The following SPAG16 variants were observed in gnomAD, a reference collection of about 807,000 sequenced individuals.
SPAG16 encodes the protein sperm associated antigen 16.
Under a neutral mutation model 80.4 loss-of-function variants are expected in SPAG16, and 86 were observed. That is an observed-to-expected ratio of 1.07 (90% CI 0.90 to 1.28). The LOEUF (loss-of-function observed/expected upper bound fraction) is 1.28, where lower values mean the gene tolerates loss of function less well. Among genes scored for constraint, SPAG16 ranks in the 50% most tolerant of loss-of-function variants. The pLI is 0.00. For missense variants in SPAG16, 870 were observed against 765.3 expected (o/e 1.14, Z -1.61); for synonymous variants, 294 against 265.9 (o/e 1.11, Z -1.03).
chr2:214,258,294 T>C (rs1016483357), intron 15 of SPAG16, among the ~76,000 whole-genome samples: 4 of 152,006 alleles, frequency 2.6e-5, no homozygotes, highest in African/African-American at 9.7e-5. Flanking sequence ...TGCCTTTGCA[T>C]CCTACTAGCT....
chr2:213,340,482 T>C (rs983684069), intron 6 of SPAG16, among the ~76,000 whole-genome samples: 5 of 152,114 alleles, frequency 3.3e-5, no homozygotes, highest in African/African-American at 1.2e-4. Flanking sequence ...ATACACTGCA[T>C]TGTTGCTATG....
intron 10 of SPAG16, among the ~76,000 whole-genome samples, chr2:213,550,016 G>A (rs1271685017): frequency 6.6e-6 from 1 of 151,826 alleles, no homozygotes; most frequent in Non-Finnish European, 1.5e-5. Flanking sequence ...TTTTATAGTT[G>A]TATTTGACAA....
chr2:213,505,385 C>G lies in SPAG16; in HGVS notation c.1070+15295C>G, dbSNP rs536921882. ...GTAAAATTCTACTATATTCTGGTAG[C>G]ATCACTCTGCAAGATTTACTCTACC... On this transcript the variant is annotated intron_variant, in intron 10 of 15. Coordinates refer to ENST00000331683, the MANE Select transcript of SPAG16 (RefSeq NM_024532.5). Among the ~76,000 whole-genome samples, 4 of 152,052 alleles carry G rather than the reference C, an allele frequency of 2.6e-5. No individual in the cohort carries two copies. The South Asian group carries it at 8.3e-4, about 32-fold the overall frequency.
At chr2:213,284,718 G>T (rs747753351) in intron 1 of SPAG16, 99 bp downstream of exon 1, 6 of 1,451,682 alleles carry the variant, frequency 4.1e-6, no homozygotes, top group Non-Finnish European at 5.5e-6. Context: ...TGAGCCTTGG[G>T]GCCACTCCGG....
At chr2:213,362,811 G>A (rs978931604) in intron 7 of SPAG16, among the ~76,000 whole-genome samples, 1 of 152,170 alleles carries the variant, frequency 6.6e-6, no homozygotes, top group Non-Finnish European at 1.5e-5. Flanking sequence ...AGGAAAAGAG[G>A]TTTATTTGGC....
chr2:213,487,214 C>G (rs2074020326), intron 9 of SPAG16, among the ~76,000 whole-genome samples: 1 of 151,934 alleles, frequency 6.6e-6, no homozygotes, highest in Non-Finnish European at 1.5e-5. Context: ...TGGGGTGTGA[C>G]TCAGTGATAC....
intron 15 of SPAG16, among the ~76,000 whole-genome samples, chr2:214,195,327 A>AGATAGATAGATAGATAGAT (rs371368487): frequency 1.3e-5 from 2 of 149,342 alleles, no homozygotes; most frequent in Admixed American, 1.3e-4. Flanking sequence ...ATAGATAGAT[A>AGATAGATAGATAGATAGAT]GATAGATATT....
intron 10 of SPAG16, among the ~76,000 whole-genome samples, chr2:213,658,846 G>A (rs1313571423): frequency 6.6e-6 from 1 of 152,174 alleles, no homozygotes; most frequent in Non-Finnish European, 1.5e-5. Context: ...GACCATCCTG[G>A]CCAACATGGT....
intron 9 of SPAG16, among the ~76,000 whole-genome samples, chr2:213,479,094 CTTTTTTT>C (rs148476714): frequency 2.1e-5 from 2 of 94,328 alleles, no homozygotes; most frequent in Non-Finnish European, 3.8e-5. Flanking sequence ...CACTGGCTTC[CTTTTTTT>C]TTTTTTTTTT....
intron 9 of SPAG16, among the ~76,000 whole-genome samples, chr2:213,434,069 C>T (rs1310266428): frequency 3.3e-5 from 5 of 151,842 alleles, no homozygotes; most frequent in African/African-American, 9.7e-5. Context: ...TACAGGCACC[C>T]GCCATGACCG....
intron 10 of SPAG16, among the ~76,000 whole-genome samples, chr2:213,764,550 C>A (rs2068832611): frequency 6.6e-6 from 1 of 151,956 alleles, no homozygotes; most frequent in Admixed American, 6.6e-5. Flanking sequence ...AATAGAGAAT[C>A]TAGAAAAGAA....
At position 213,884,130 on chromosome 2, in the gene SPAG16, TGTGGTA is replaced by T. The variant is rs2076462408; in HGVS notation, c.1214+21504_1214+21509del. 2.1e-4 allele frequency among the ~76,000 whole-genome samples: 6 copies of T among 28,818 alleles called. No homozygotes were observed. In the South Asian group the frequency reaches 0.043, roughly 206 times the overall value. 18.9% of individuals were successfully genotyped at this position (28,818 alleles called of 152,430 possible). A position where few individuals can be genotyped will look rare whatever the true frequency, so the allele number is the denominator to read the frequency against. Reference sequence around the variant, plus strand: ...TGGGCTATGTGCCTAAGTGTGTTTTTGTGGTAGCAGGTGTCATTCTTTTGATTCCAC... The same window carrying T: ...TGGGCTATGTGCCTAAGTGTGTTTTTGCAGGTGTCATTCTTTTGATTCCAC... On this transcript the variant is annotated intron_variant, in intron 11 of 15. Transcript: ENST00000331683.
chr2:213,764,375 G>GA lies in SPAG16; in HGVS notation c.1071-98100dup, dbSNP rs555452252. ...GGGTGACATTAGGAACATTCAGGGG[G>GA]AAAAAAAAAACCTGAGTAAATTAAA... On this transcript the variant is annotated intron_variant, in intron 10 of 15. Coordinates refer to ENST00000331683, the MANE Select transcript of SPAG16 (RefSeq NM_024532.5). 7.4e-4 allele frequency among the ~76,000 whole-genome samples: 107 copies of GA among 145,294 alleles called. 1 individual carries two copies. The highest frequency in any genetic ancestry group is 1.2e-3 in the East Asian group (6 of 5,022).
At chr2:213,559,592 A>G (rs527289633) in intron 10 of SPAG16, among the ~76,000 whole-genome samples, 1 of 152,290 alleles carries the variant, frequency 6.6e-6, no homozygotes, top group East Asian at 1.9e-4. Context: ...ATATACTTGT[A>G]AAATTATAGT....
At chr2:214,311,335 A>T (rs1695300208) in intron 15 of SPAG16, among the ~76,000 whole-genome samples, 1 of 152,126 alleles carries the variant, frequency 6.6e-6, no homozygotes, top group African/African-American at 2.4e-5. Context: ...TTAATGACCC[A>T]TAACAGATAC....
intron 13 of SPAG16, among the ~76,000 whole-genome samples, chr2:214,093,997 A>G (rs924772263): frequency 6.6e-6 from 1 of 152,056 alleles, no homozygotes; most frequent in African/African-American, 2.4e-5. Context: ...GTCTGTGCAC[A>G]AGGAACGACC....
intron 10 of SPAG16, among the ~76,000 whole-genome samples, chr2:213,508,464 G>T (rs1429563332): frequency 1.3e-5 from 2 of 152,208 alleles, no homozygotes; most frequent in East Asian, 1.9e-4. Flanking sequence ...CCCAGCTACT[G>T]GGGAGGCTGA....
At chr2:214,258,717 T>C (rs1037574842) in intron 15 of SPAG16, among the ~76,000 whole-genome samples, 9 of 151,840 alleles carry the variant, frequency 5.9e-5, no homozygotes, top group African/African-American at 2.2e-4. Context: ...TATGTTTCAA[T>C]CTTTTAAGTT....
chr2:214,257,916 A>G (rs1308028819), intron 15 of SPAG16, among the ~76,000 whole-genome samples: 1 of 152,092 alleles, frequency 6.6e-6, no homozygotes, highest in Non-Finnish European at 1.5e-5. Context: ...AGCCTTCACT[A>G]CTGAAACCAT....
Sources: gnomAD v4.1 joint callset for allele counts (sites outside exome capture counted in the v4.1 genomes callset) on GRCh38, gnomAD v4.1.1 for gene constraint, MANE v1.5 for transcripts, NCBI Gene and HGNC (gene_info 2026-07-23, HGNC 2026-07-21) for gene names.